The following UGT2B10 variants were observed in gnomAD, a reference collection of about 807,000 sequenced individuals.
UGT2B10 encodes UDP glucuronosyltransferase family 2 member B10.
Under a neutral mutation model 43.7 loss-of-function variants are expected in UGT2B10, and 51 were observed. That is an observed-to-expected ratio of 1.17 (90% CI 0.93 to 1.47). The LOEUF (loss-of-function observed/expected upper bound fraction) is 1.47. Among genes scored for constraint, UGT2B10 ranks in the 40% most tolerant of loss-of-function variants. The pLI is 0.00. For missense variants in UGT2B10, 696 were observed against 617.7 expected (o/e 1.13, Z -1.34); for synonymous variants, 225 against 209.0 (o/e 1.08, Z -0.66).
chr4:68,825,599 T>A lies in UGT2B10; in HGVS notation c.1000-811T>A, dbSNP rs566827875. Among the ~76,000 whole-genome samples the A allele has an allele frequency of 1.5e-4, 23 of 152,242 alleles. No homozygotes were observed. In the East Asian group the frequency reaches 4.4e-3, roughly 29 times the overall value. ...AGTGAGGACTTGTTACACTTGGATT[T>A]CAATTCCTATGTTAGTTTGCTAAGG... On this transcript the variant is annotated intron_variant, in intron 3 of 5. Coordinates refer to ENST00000265403, the MANE Select transcript of UGT2B10 (RefSeq NM_001075.6).
intron 2 of UGT2B10, among the ~76,000 whole-genome samples, chr4:68,820,927 G>A (rs2109689464): frequency 6.6e-6 from 1 of 152,162 alleles, no homozygotes; most frequent in South Asian, 2.1e-4. Context: ...CTACACAGAG[G>A]TTAGATTCCT....
At chr4:68,817,774 T>C (rs574087032) in intron 1 of UGT2B10, among the ~76,000 whole-genome samples, 4 of 151,908 alleles carry the variant, frequency 2.6e-5, no homozygotes, top group Admixed American at 2.0e-4. Flanking sequence ...TAATTGTGAG[T>C]ATACTGACAT....
chr4:68,823,140 A>T lies in UGT2B10; in HGVS notation c.999+738A>T, dbSNP rs527995415. On this transcript the variant is annotated intron_variant, in intron 3 of 5. Coordinates refer to ENST00000265403, the MANE Select transcript of UGT2B10 (RefSeq NM_001075.6). The stretch of plus-strand genomic sequence containing the variant: ...TAGTATAGCATGATTGAATGTCATT[A>T]ATATAGGAATAATAACTGGCATATG... Among the ~76,000 whole-genome samples the T allele has an allele frequency of 1.4e-4, 22 of 152,280 alleles. No homozygotes were observed. In the South Asian group the frequency reaches 4.4e-3, roughly 30 times the overall value.
At position 68,816,156 on chromosome 4, in the gene UGT2B10, T is replaced by C. The variant is rs759172912; in HGVS notation, c.137T>C (p.Val46Ala). The C allele has an allele frequency of 4.3e-6, 7 of 1,613,288 alleles. No individual in the cohort carries two copies. In the South Asian group the frequency reaches 6.6e-5, roughly 15 times the overall value. Residue 46 changes from valine (V) to alanine (A), a missense_variant, in exon 1 of 6, where the codon GTT (valine) becomes GCT (alanine). Coordinates refer to ENST00000265403, the MANE Select transcript of UGT2B10 (RefSeq NM_001075.6). Reference sequence around the variant, plus strand: ...ATGAAGACAATCCTGAAAGAACTTGTTCAGAGAGGTCATGAGGTGACTGTA... The same window carrying C: ...ATGAAGACAATCCTGAAAGAACTTGCTCAGAGAGGTCATGAGGTGACTGTA... ...MNMKTILKELVQRGHEVTVLA... is the reference protein window; with the variant it reads ...MNMKTILKELAQRGHEVTVLA...
intron 3 of UGT2B10, among the ~76,000 whole-genome samples, chr4:68,822,926 G>C (rs1737583205): frequency 6.6e-6 from 1 of 152,130 alleles, no homozygotes; most frequent in African/African-American, 2.4e-5. Flanking sequence ...AAGAACACTT[G>C]ACTAACTCTT....
intron 2 of UGT2B10, among the ~76,000 whole-genome samples, chr4:68,820,025 A>C (rs1737414469): frequency 6.6e-6 from 1 of 152,028 alleles, no homozygotes; most frequent in Admixed American, 6.6e-5. Flanking sequence ...AAGAGACAAA[A>C]GTTGAGGTAA....
chr4:68,823,479 C>T (rs758703832), intron 3 of UGT2B10, among the ~76,000 whole-genome samples: 1 of 152,040 alleles, frequency 6.6e-6, no homozygotes, highest in Non-Finnish European at 1.5e-5. Context: ...TGCACTCCAG[C>T]CTGGGCTACA....
intron 5 of UGT2B10, among the ~76,000 whole-genome samples, chr4:68,828,837 A>G (rs1737932762): frequency 6.6e-6 from 1 of 152,034 alleles, no homozygotes; most frequent in Admixed American, 6.6e-5. Context: ...GGAAATATAA[A>G]AAGATTCAAT....
At chr4:68,822,918 G>T (rs1737582640) in intron 3 of UGT2B10, among the ~76,000 whole-genome samples, 1 of 152,102 alleles carries the variant, frequency 6.6e-6, no homozygotes, top group Admixed American at 6.6e-5. Flanking sequence ...AATGGGTGAA[G>T]AACACTTGAC....
chr4:68,824,785 C>T (rs6839369), intron 3 of UGT2B10, among the ~76,000 whole-genome samples: 7 of 151,992 alleles, frequency 4.6e-5, no homozygotes. Context: ...CTTTGTAGCA[C>T]CTTGTCTAAG....
At chr4:68,821,970 T>C (rs1159905407) in intron 2 of UGT2B10, among the ~76,000 whole-genome samples, 1 of 152,096 alleles carries the variant, frequency 6.6e-6, no homozygotes, top group Admixed American at 6.6e-5. Context: ...TCTGGGTATA[T>C]GTTTTAACAT....
chr4:68,822,127 T>C (rs1737531579), intron 2 of UGT2B10, 144 bp from the exon 3 acceptor site: 1 of 1,250,658 alleles, frequency 8.0e-7, no homozygotes, highest in South Asian at 1.5e-5. Context: ...AAACAGTGAT[T>C]GAGTCAGTTA....
chr4:68,827,587 G>T, intron 5 of UGT2B10, 39 bp downstream of exon 5: 1 of 1,609,872 alleles, frequency 6.2e-7, no homozygotes, highest in African/African-American at 1.3e-5. Flanking sequence ...GGTATTAATA[G>T]ATAGCTTTTC....
At chr4:68,818,252 A>G in intron 2 of UGT2B10, 75 bp downstream of exon 2, 22 of 1,573,374 alleles carry the variant, frequency 1.4e-5, no homozygotes, top group Non-Finnish European at 1.8e-5. Flanking sequence ...CTTCATTCAG[A>G]GTGTTTGACT....
intron 5 of UGT2B10, among the ~76,000 whole-genome samples, chr4:68,829,082 G>T (rs535517099): frequency 6.6e-6 from 1 of 151,996 alleles, no homozygotes; most frequent in South Asian, 2.1e-4. Context: ...GGTCATGACA[G>T]AATTATCAAC....
chr4:68,830,272 A>G (rs1049457936), intron 5 of UGT2B10, among the ~76,000 whole-genome samples: 1 of 152,030 alleles, frequency 6.6e-6, no homozygotes, highest in Non-Finnish European at 1.5e-5. Context: ...CATATACCCC[A>G]TAAACATATG....
intron 2 of UGT2B10, among the ~76,000 whole-genome samples, chr4:68,821,976 A>G (rs1737523313): frequency 6.6e-6 from 1 of 152,136 alleles, no homozygotes; most frequent in South Asian, 2.1e-4. Context: ...TATATGTTTT[A>G]ACATTATCTC....
chr4:68,830,399 T>G (rs1738027009), intron 5 of UGT2B10, among the ~76,000 whole-genome samples: 1 of 152,032 alleles, frequency 6.6e-6, no homozygotes, highest in African/African-American at 2.4e-5. Flanking sequence ...CTTTTCTACT[T>G]TAAAAATATT....
intron 5 of UGT2B10, among the ~76,000 whole-genome samples, chr4:68,829,694 C>A (rs1737987531): frequency 6.6e-6 from 1 of 151,858 alleles, no homozygotes; most frequent in South Asian, 2.1e-4. Context: ...AAGAATACTC[C>A]AAGAGCGGGA....
Sources: allele counts gnomAD v4.1 joint callset (sites outside exome capture counted in the v4.1 genomes callset), GRCh38; gene constraint gnomAD v4.1.1; transcripts MANE v1.5; gene names NCBI Gene and HGNC (gene_info 2026-07-23, HGNC 2026-07-21).